Variants in ZFP69B observed in about 807,000 individuals in gnomAD.
The protein encoded by ZFP69B is ZFP69 zinc finger protein B, also known as zinc finger protein 69 homolog B.
Under a neutral mutation model 19.7 loss-of-function variants are expected in ZFP69B, and 20 were observed. The ratio of observed to expected loss-of-function variants is 1.02; its 90% CI spans 0.71 to 1.48. ZFP69B has a LOEUF of 1.48. Ranked by LOEUF, ZFP69B falls within the 40% of genes most tolerant of loss-of-function variation. The probability of loss-of-function intolerance (pLI) is 0.00; values close to 1 mark genes in which losing one functional copy is unlikely to be tolerated. For synonymous variants in ZFP69B, 220 were observed against 222.7 expected, an observed-to-expected ratio of 0.99 and a Z score of 0.11; for missense variants, 583 against 632.6, an observed-to-expected ratio of 0.92 and a Z score of 0.84.
chr1:40,450,397 G>T (rs1645173328), upstream of ZFP69B, among the ~76,000 whole-genome samples: 1 of 152,230 alleles, frequency 6.6e-6, no homozygotes, highest in African/African-American at 2.4e-5. Context: ...GTTTGCTACA[G>T]CCGACTAGTG....
intron 4 of ZFP69B, among the ~76,000 whole-genome samples, chr1:40,459,281 A>G (rs1055497702): frequency 1.3e-5 from 2 of 152,030 alleles, no homozygotes; most frequent in Non-Finnish European, 2.9e-5. Context: ...CCATATTTTC[A>G]TCTTTGTTTT....
At chr1:40,451,597 C>T (rs890674388) in intron 1 of ZFP69B, among the ~76,000 whole-genome samples, 5 of 148,030 alleles carry the variant, frequency 3.4e-5, no homozygotes, top group Non-Finnish European at 5.9e-5. Context: ...GATGGTAACA[C>T]CTTGAATAAG....
At chr1:40,457,193 A>C in intron 3 of ZFP69B, 122 bp downstream of exon 3, 4 of 1,524,210 alleles carry the variant, frequency 2.6e-6, no homozygotes, top group Non-Finnish European at 3.6e-6. Context: ...CCTTCTGAAC[A>C]CCCAGTCAGG....
chr1:40,457,070 G>T lies in ZFP69B; in HGVS notation c.339G>T (p.Val113=). 5 of 1,596,060 alleles carry T rather than the reference G, an allele frequency of 3.1e-6. No individual in the cohort carries two copies. The highest frequency in any genetic ancestry group is 4.3e-6 in the Non-Finnish European group (5 of 1,173,706). The change falls in exon 3 of 5, where the codon GTG becomes GTT. Residue 113 remains valine (V), a splice_region_variant and synonymous_variant. Transcript: ENST00000361584. ...MLENYGNLVS[V]GCQLSKPGVI... is the part of the protein sequence containing the mutation. ...AGAACTATGGGAACCTGGTCTCAGT[G>T]GGTAAGGATGGGCTCCTCTTGAAAA...
intron 4 of ZFP69B, among the ~76,000 whole-genome samples, chr1:40,460,203 A>G (rs1309101524): frequency 6.6e-6 from 1 of 152,250 alleles, no homozygotes; most frequent in African/African-American, 2.4e-5. Context: ...TGACAGGAAT[A>G]TACAAGCATT....
chr1:40,463,545 C>T lies in ZFP69B; in HGVS notation c.1561C>T (p.His521Tyr), dbSNP rs188855431. The change falls in exon 5 of 5, where the codon CAC (histidine) becomes TAC (tyrosine). Residue 521 changes from histidine to tyrosine, a missense_variant. Transcript: ENST00000361584. ...AFSCSSSLIR[H>Y]CKTHLRNTFS... is the part of the protein sequence containing the mutation. ...CAGCTGTAGTTCATCCCTTATTAGA[C>T]ACTGCAAAACACATTTAAGAAATAC... The T allele has an allele frequency of 1.4e-5, 22 of 1,612,206 alleles. No homozygotes were observed. The African/African-American group carries it at 2.5e-4, about 19-fold the overall frequency.
chr1:40,457,649 AC>A (rs1645246543), intron 4 of ZFP69B, among the ~76,000 whole-genome samples: 8 of 152,096 alleles, frequency 5.3e-5, no homozygotes, highest in Admixed American at 5.2e-4. Context: ...ATCAGAGTTA[AC>A]CTTCTTCATC....
intron 1 of ZFP69B, among the ~76,000 whole-genome samples, chr1:40,451,411 A>G (rs1483260396): frequency 6.6e-6 from 1 of 152,198 alleles, no homozygotes; most frequent in Admixed American, 6.5e-5. Flanking sequence ...CCAGGGTCAC[A>G]CAGGAACTTG....
In ZFP69B at chr1:40,457,091, G is replaced by C; in HGVS notation, c.340+20G>C. 8 of 1,585,216 alleles carry C rather than the reference G, an allele frequency of 5.0e-6. No homozygotes were observed. The highest frequency in any genetic ancestry group is 6.0e-6 in the Non-Finnish European group (7 of 1,169,992). On this transcript the variant is annotated intron_variant, in intron 3 of 4. Transcript: ENST00000361584. ...CAGTGGGTAAGGATGGGCTCCTCTT[G>C]AAAATAGAACGTACCTATTGGATGA...
In ZFP69B at chr1:40,450,886, G is replaced by A. The variant is rs1340874627; in HGVS notation, c.-76G>A. 1.4e-6 allele frequency: 2 copies of A among 1,403,280 alleles called. No homozygotes were observed. Among genetic ancestry groups the A allele is most frequent in the Non-Finnish European group, 1.9e-6 (2 of 1,071,194 alleles). 86.9% of individuals were successfully genotyped at this position (1,403,280 alleles called of 1,614,324 possible). On this transcript the variant is annotated 5_prime_UTR_variant, in exon 1 of 5. Coordinates refer to ENST00000361584, the MANE Select transcript of ZFP69B (RefSeq NM_023070.3). Reference sequence around the variant, plus strand: ...GGGAAGCCTCCTGTCAGAGCTTCCAGCAATTTCCTCATCAGAGGTGGACAA... The same window carrying A: ...GGGAAGCCTCCTGTCAGAGCTTCCAACAATTTCCTCATCAGAGGTGGACAA...
At chr1:40,455,914 T>C (rs974095031) in intron 2 of ZFP69B, among the ~76,000 whole-genome samples, 14 of 152,322 alleles carry the variant, frequency 9.2e-5, no homozygotes, top group East Asian at 5.8e-4. Context: ...GCTTCATCCA[T>C]GTCCCTGCAA....
At chr1:40,452,196 A>G (rs1645192911) in intron 1 of ZFP69B, among the ~76,000 whole-genome samples, 1 of 152,186 alleles carries the variant, frequency 6.6e-6, no homozygotes, top group Non-Finnish European at 1.5e-5. Context: ...AATAATTGAA[A>G]GGTTAATGGG....
intron 2 of ZFP69B, among the ~76,000 whole-genome samples, chr1:40,456,013 G>A (rs1010759238): frequency 6.6e-6 from 1 of 152,110 alleles, no homozygotes; most frequent in African/African-American, 2.4e-5. Flanking sequence ...TCATTGATGG[G>A]CATTTGGGTT....
chr1:40,457,158 G>A lies in ZFP69B; in HGVS notation c.340+87G>A, dbSNP rs527746143. 1.3e-5 allele frequency: 20 copies of A among 1,575,188 alleles called. No homozygotes were observed. The Admixed American group carries it at 2.3e-4, about 18-fold the overall frequency. ...ATTAAGTGCTTTGTTTGGGCTTTCG[G>A]TTCTGTATTAGAGGTTTTGTGTTTC... On this transcript the variant is annotated intron_variant, in intron 3 of 4. Coordinates refer to ENST00000361584, the MANE Select transcript of ZFP69B (RefSeq NM_023070.3).
chr1:40,454,377 G>T, intron 2 of ZFP69B, 89 bp downstream of exon 2: 1 of 945,218 alleles, frequency 1.1e-6, no homozygotes, highest in Non-Finnish European at 1.5e-6. Flanking sequence ...CAACTTCCTG[G>T]ATTGGCTTTT....
intron 3 of ZFP69B, 26 bp downstream of exon 3, chr1:40,457,097 A>C: frequency 6.3e-7 from 1 of 1,582,952 alleles, no homozygotes; most frequent in Non-Finnish European, 8.6e-7. Flanking sequence ...TCTTGAAAAT[A>C]GAACGTACCT....
At chr1:40,457,674 T>A (rs1645246610) in intron 4 of ZFP69B, among the ~76,000 whole-genome samples, 1 of 152,372 alleles carries the variant, frequency 6.6e-6, no homozygotes, top group Non-Finnish European at 1.5e-5. Flanking sequence ...TCTTTTGATC[T>A]GAGCTTCATG....
Position 40,457,413 on chromosome 1 carries a change from G to A in ZFP69B, c.410G>A (p.Arg137Lys). 2 of 1,614,182 alleles carry A rather than the reference G, an allele frequency of 1.2e-6. No individual in the cohort carries two copies. Among genetic ancestry groups the A allele is most frequent in the Non-Finnish European group, 8.5e-7 (1 of 1,180,022 alleles). Residue 137 changes from arginine to lysine, a missense_variant, in exon 4 of 5, where the codon AGA becomes AAA. Physicochemically the swap from Arg to Lys is conservative, Grantham distance 26 (BLOSUM62 2). Coordinates refer to ENST00000361584, the MANE Select transcript of ZFP69B (RefSeq NM_023070.3). ...EKGEEPWLME[R>K]DISGVPSSDL... ...GGAGAAGAACCATGGCTGATGGAGA[G>A]AGATATTTCAGGAGTTCCAAGTTCA...
In ZFP69B at chr1:40,463,477, C is replaced by T. The variant is rs1289978351; in HGVS notation, c.1493C>T (p.Thr498Ile). The T allele has an allele frequency of 6.8e-6, 11 of 1,614,000 alleles. No individual in the cohort carries two copies. The highest frequency in any genetic ancestry group is 9.3e-6 in the Non-Finnish European group (11 of 1,180,004). ...TTTGCTAAACATCAGAGAATTCATA[C>T]TGGAGAAAAACCTTATGATTGTAAT... ...SSFAKHQRIHTGEKPYDCNEC... is the reference protein window; with the variant it reads ...SSFAKHQRIHIGEKPYDCNEC... Residue 498 changes from threonine (T) to isoleucine (I), a missense_variant, in exon 5 of 5, where the codon ACT becomes ATT. Coordinates refer to ENST00000361584, the MANE Select transcript of ZFP69B (RefSeq NM_023070.3).
Sources: gnomAD v4.1 joint callset for allele counts (sites outside exome capture counted in the v4.1 genomes callset) on GRCh38, gnomAD v4.1.1 for gene constraint, MANE v1.5 for transcripts, NCBI Gene and HGNC (gene_info 2026-07-23, HGNC 2026-07-21) for gene names.